Variants in SCFD2 observed in about 807,000 individuals in gnomAD.
The protein encoded by SCFD2 is sec1 family domain-containing protein 2.
SCFD2 carries 54 observed loss-of-function variants against 58.9 expected under a neutral mutation model. The ratio of observed to expected loss-of-function variants is 0.92; its 90% confidence interval spans 0.74 to 1.15. The LOEUF (loss-of-function observed/expected upper bound fraction) is 1.15, where lower values mean the gene tolerates loss of function less well. Among genes scored for constraint, SCFD2 ranks in the 50% most tolerant of loss-of-function variants. SCFD2 has a pLI of 0.00. For missense variants in SCFD2, 805 were observed against 836.6 expected, an observed-to-expected ratio of 0.96 and a Z score of 0.47; for synonymous variants, 321 against 335.9, an observed-to-expected ratio of 0.96 and a Z score of 0.49.
chr4:52,898,130 G>A (rs1303824450), intron 7 of SCFD2, among the ~76,000 whole-genome samples: 1 of 152,044 alleles, frequency 6.6e-6, no homozygotes, highest in East Asian at 1.9e-4. Flanking sequence ...TTTTTTGAAG[G>A]GTTTTTTGTG....
At chr4:53,041,322 G>C (rs1353247577) in intron 5 of SCFD2, among the ~76,000 whole-genome samples, 3 of 152,162 alleles carry the variant, frequency 2.0e-5, no homozygotes, top group Non-Finnish European at 2.9e-5. Context: ...GGTAAACCTG[G>C]TGAATTCATA....
intron 4 of SCFD2, among the ~76,000 whole-genome samples, chr4:53,264,583 A>G (rs1730925043): frequency 1.3e-5 from 2 of 152,224 alleles, no homozygotes; most frequent in South Asian, 2.1e-4. Flanking sequence ...AAAAGAAGGC[A>G]TTATAAAACA....
rs375582867 is a variant in SCFD2 at position 53,249,312 on chromosome 4, G to A, written c.1311+24514C>T. Among the ~76,000 whole-genome samples the A allele has an allele frequency of 1.6e-3, 243 of 152,280 alleles. 5 individuals carry two copies. The South Asian group carries it at 0.047, about 29-fold the overall frequency. On this transcript the variant is annotated intron_variant, in intron 4 of 8. Coordinates refer to ENST00000401642, the MANE Select transcript of SCFD2 (RefSeq NM_152540.4). ...CAAGAAATATGGGACTATGTGAAAAGACCAAATCTACATCTGATTGGTGTA... is the reference window on the plus strand; with the variant it reads ...CAAGAAATATGGGACTATGTGAAAAAACCAAATCTACATCTGATTGGTGTA...
intron 5 of SCFD2, among the ~76,000 whole-genome samples, chr4:52,938,476 A>G (rs1720200401): frequency 6.6e-6 from 1 of 152,216 alleles, no homozygotes; most frequent in Non-Finnish European, 1.5e-5. Flanking sequence ...TAGGAGAAAG[A>G]TCAGTTTAAA....
At chr4:53,034,258 C>G (rs10017285) in intron 5 of SCFD2, among the ~76,000 whole-genome samples, 28,349 of 152,076 alleles carry the variant, frequency 0.19, 4,504 homozygotes, top group African/African-American at 0.44. Flanking sequence ...AAAAGGCCTT[C>G]AACAAAATTC....
chr4:53,010,368 T>A lies in SCFD2; in HGVS notation c.1562-89498A>T, dbSNP rs189204386. 1.2e-4 allele frequency among the ~76,000 whole-genome samples: 18 copies of A among 152,332 alleles called. No homozygotes were observed. In the East Asian group the frequency reaches 3.5e-3, roughly 29 times the overall value. On this transcript the variant is annotated intron_variant, in intron 5 of 8. Coordinates refer to ENST00000401642, the MANE Select transcript of SCFD2 (RefSeq NM_152540.4). ...TTCAAGATACGACAAAAATTTATAT[T>A]CAAAACGTGACTTTTACACAATAGT...
At chr4:53,236,817 TTTATTTATTTATTTATTTA>T (rs1729631206) in intron 4 of SCFD2, among the ~76,000 whole-genome samples, 4 of 105,716 alleles carry the variant, frequency 3.8e-5, no homozygotes, top group Admixed American at 3.5e-4. Flanking sequence ...GTTTTATTTA[TTTATTTATTTATTTATTTA>T]TTTATTTATT....
At chr4:53,155,759 A>T (rs1275544485) in intron 4 of SCFD2, among the ~76,000 whole-genome samples, 2 of 152,250 alleles carry the variant, frequency 1.3e-5, no homozygotes, top group South Asian at 4.1e-4. Context: ...GTAATCGCAT[A>T]AGCCAATATT....
chr4:52,935,403 G>A (rs1720111032), intron 5 of SCFD2, among the ~76,000 whole-genome samples: 1 of 152,174 alleles, frequency 6.6e-6, no homozygotes, highest in Non-Finnish European at 1.5e-5. Flanking sequence ...AATCTACCAT[G>A]TTGGCTCCTG....
intron 5 of SCFD2, among the ~76,000 whole-genome samples, chr4:53,087,452 G>C (rs867892649): frequency 1.3e-5 from 2 of 152,032 alleles, no homozygotes; most frequent in Non-Finnish European, 2.9e-5. Context: ...TCCTGCCTCA[G>C]CCTCCCAAGT....
At chr4:53,053,618 A>G (rs963748945) in intron 5 of SCFD2, among the ~76,000 whole-genome samples, 1 of 151,956 alleles carries the variant, frequency 6.6e-6, no homozygotes, top group Admixed American at 6.6e-5. Flanking sequence ...CTCTCCCTCA[A>G]GTTCTCTAGA....
intron 5 of SCFD2, among the ~76,000 whole-genome samples, chr4:53,045,276 T>C (rs901831677): frequency 7.8e-4 from 119 of 152,296 alleles, no homozygotes; most frequent in African/African-American, 2.7e-3. Flanking sequence ...TGTTTTATAG[T>C]GTGGATTTTT....
At chr4:53,054,663 T>C (rs1294236239) in intron 5 of SCFD2, among the ~76,000 whole-genome samples, 4 of 152,072 alleles carry the variant, frequency 2.6e-5, no homozygotes, top group Non-Finnish European at 5.9e-5. Flanking sequence ...TTGTTTGTTT[T>C]TGTTTTTGAG....
intron 5 of SCFD2, among the ~76,000 whole-genome samples, chr4:53,110,901 A>C (rs1391058859): frequency 1.3e-5 from 2 of 152,178 alleles, no homozygotes; most frequent in African/African-American, 2.4e-5. Flanking sequence ...TGTTTACTGC[A>C]GCACTATTCA....
intron 5 of SCFD2, among the ~76,000 whole-genome samples, chr4:53,061,549 C>G (rs1289512632): frequency 6.6e-6 from 1 of 152,140 alleles, no homozygotes; most frequent in Non-Finnish European, 1.5e-5. Flanking sequence ...AGGAGGACTA[C>G]AAATCAGAAG....
chr4:53,329,060 G>A (rs1406849385), intron 2 of SCFD2, among the ~76,000 whole-genome samples: 9 of 152,344 alleles, frequency 5.9e-5, no homozygotes, highest in Admixed American at 4.6e-4. Flanking sequence ...GGCACACCAC[G>A]AGATTATATC....
At chr4:53,248,732 GC>G (rs1394823880) in intron 4 of SCFD2, among the ~76,000 whole-genome samples, 1 of 152,174 alleles carries the variant, frequency 6.6e-6, no homozygotes, top group Non-Finnish European at 1.5e-5. Flanking sequence ...CAACAGACCT[GC>G]AGCTGAGGGT....
intron 5 of SCFD2, among the ~76,000 whole-genome samples, chr4:52,974,364 T>C (rs1410809484): frequency 1.3e-5 from 2 of 152,180 alleles, no homozygotes; most frequent in East Asian, 1.9e-4. Flanking sequence ...CAAGCATTCT[T>C]ATACACCAAT....
At chr4:53,280,553 T>G (rs917584637) in intron 3 of SCFD2, among the ~76,000 whole-genome samples, 6 of 151,760 alleles carry the variant, frequency 4.0e-5, no homozygotes, top group Non-Finnish European at 7.4e-5. Flanking sequence ...TTGTCTAGAA[T>G]AGCATATTTA....
Sources: allele counts gnomAD v4.1 joint callset (sites outside exome capture counted in the v4.1 genomes callset), GRCh38; gene constraint gnomAD v4.1.1; transcripts MANE v1.5; gene names NCBI Gene and HGNC (gene_info 2026-07-23, HGNC 2026-07-21).